Variants in RBPMS observed in about 807,000 individuals in gnomAD.
The protein encoded by RBPMS is RNA binding protein, mRNA processing factor.
A neutral mutation model predicts 26.8 loss-of-function variants in RBPMS; 7 were observed. The ratio of observed to expected loss-of-function variants is 0.26; its 90% CI spans 0.15 to 0.49. The LOEUF is 0.49. Ranked by LOEUF, RBPMS falls within the 20% of genes least tolerant of loss-of-function variation. The probability of loss-of-function intolerance (pLI) is 0.98; values close to 1 mark genes in which losing one functional copy is unlikely to be tolerated. For synonymous variants in RBPMS, 96 were observed against 93.3 expected (o/e 1.03, Z -0.17); for missense variants, 186 against 250.0 (o/e 0.74, Z 1.73).
chr8:30,451,261 A>G (rs1814551945), intron 1 of RBPMS, among the ~76,000 whole-genome samples: 1 of 152,150 alleles, frequency 6.6e-6, no homozygotes, highest in Non-Finnish European at 1.5e-5. Context: ...TATCTCTCCA[A>G]GCTAAAATCG....
intron 1 of RBPMS, among the ~76,000 whole-genome samples, chr8:30,434,677 C>G (rs968081584): frequency 2.7e-5 from 4 of 149,274 alleles, no homozygotes; most frequent in African/African-American, 9.9e-5. Flanking sequence ...GCACTCCAGC[C>G]TGGGAGACAG....
chr8:30,503,669 TGTTCTTA>T (rs991545622), intron 4 of RBPMS, among the ~76,000 whole-genome samples: 1 of 152,076 alleles, frequency 6.6e-6, no homozygotes, highest in Non-Finnish European at 1.5e-5. Flanking sequence ...ATGGCAACTG[TGTTCTTA>T]GGAGACTCGT....
At position 30,457,163 on chromosome 8, in the gene RBPMS, G is replaced by C. The variant is rs1815317467; in HGVS notation, c.67-17616G>C. Among the ~76,000 whole-genome samples, 5 of 152,150 alleles carry C rather than the reference G, an allele frequency of 3.3e-5. No homozygotes were observed. In the South Asian group the frequency reaches 8.3e-4, roughly 25 times the overall value. ...TGAAACATCCTTCATATGCCCCCAG[G>C]TTCTGACAGTTTTGAGAGAATCCTT... is the stretch of plus-strand genomic sequence containing the variant. On this transcript the variant is annotated intron_variant, in intron 1 of 8. Coordinates refer to ENST00000397323, the MANE Select transcript of RBPMS (RefSeq NM_001008710.3).
chr8:30,512,827 A>G (rs969870352), intron 5 of RBPMS, among the ~76,000 whole-genome samples: 1 of 152,220 alleles, frequency 6.6e-6, no homozygotes, highest in African/African-American at 2.4e-5. Flanking sequence ...CTTAAGCTCT[A>G]GGAAACTGAT....
chr8:30,413,763 GCCAC>G (rs1809727619), intron 1 of RBPMS, among the ~76,000 whole-genome samples: 1 of 152,124 alleles, frequency 6.6e-6, no homozygotes, highest in Non-Finnish European at 1.5e-5. Context: ...ACAGGCATGT[GCCAC>G]CACGCCTGGC....
chr8:30,439,641 CTT>C (rs143963703), intron 1 of RBPMS, among the ~76,000 whole-genome samples: 2 of 149,124 alleles, frequency 1.3e-5, no homozygotes, highest in African/African-American at 2.5e-5. Flanking sequence ...CGTTTTTTGA[CTT>C]TTTTTTTTCC....
chr8:30,549,493 C>G, intron 6 of RBPMS: 1 of 1,610,086 alleles, frequency 6.2e-7, no homozygotes. Context: ...TTCCTCTCAA[C>G]CTGCAGCTCT....
intron 7 of RBPMS, among the ~76,000 whole-genome samples, chr8:30,562,531 A>C (rs1827587897): frequency 6.6e-6 from 1 of 152,046 alleles, no homozygotes; most frequent in Non-Finnish European, 1.5e-5. Context: ...CTCAGTGCGG[A>C]TCTATTATTT....
At chr8:30,551,675 G>C (rs776662755) in intron 6 of RBPMS, among the ~76,000 whole-genome samples, 15 of 152,154 alleles carry the variant, frequency 9.9e-5, no homozygotes, top group African/African-American at 3.4e-4. Flanking sequence ...GTCTGCGCTC[G>C]GCTCTTCCCT....
At chr8:30,421,435 T>A (rs1440482707) in intron 1 of RBPMS, among the ~76,000 whole-genome samples, 1 of 152,228 alleles carries the variant, frequency 6.6e-6, no homozygotes, top group African/African-American at 2.4e-5. Context: ...TGGTGATGTT[T>A]CCATAAATCC....
chr8:30,559,259 C>T (rs930773943), intron 7 of RBPMS, among the ~76,000 whole-genome samples: 12 of 152,196 alleles, frequency 7.9e-5, no homozygotes, highest in African/African-American at 2.7e-4. Flanking sequence ...CATTTTATTA[C>T]CTAATTGTAG....
At chr8:30,504,630 G>GT (rs748922442) in intron 5 of RBPMS, among the ~76,000 whole-genome samples, 194 bp downstream of exon 5, 1 of 152,138 alleles carries the variant, frequency 6.6e-6, no homozygotes, top group Non-Finnish European at 1.5e-5. Flanking sequence ...CCAAAAGATG[G>GT]TTCAGCTTGA....
At chr8:30,557,661 C>T (rs1317020008) in intron 6 of RBPMS, among the ~76,000 whole-genome samples, 1 of 152,210 alleles carries the variant, frequency 6.6e-6, no homozygotes, top group East Asian at 1.9e-4. Flanking sequence ...TGCGGGAGGG[C>T]ATCGCCTCAC....
At chr8:30,436,110 A>C (rs1333683285) in intron 1 of RBPMS, among the ~76,000 whole-genome samples, 1 of 152,238 alleles carries the variant, frequency 6.6e-6, no homozygotes, top group Non-Finnish European at 1.5e-5. Flanking sequence ...TCCAATAATT[A>C]GCTCCTTTTC....
chr8:30,434,533 G>A (rs1227361492), intron 1 of RBPMS, among the ~76,000 whole-genome samples: 2 of 151,760 alleles, frequency 1.3e-5, no homozygotes, highest in Admixed American at 6.6e-5. Context: ...GAGAAAACTC[G>A]TCTCCACTCA....
At chr8:30,465,607 C>T (rs1370233376) in intron 1 of RBPMS, among the ~76,000 whole-genome samples, 2 of 152,002 alleles carry the variant, frequency 1.3e-5, no homozygotes, top group African/African-American at 2.4e-5. Context: ...GCCAACATGG[C>T]GAAACCCTGT....
intron 5 of RBPMS, among the ~76,000 whole-genome samples, chr8:30,539,770 C>T (rs757084277): frequency 6.6e-5 from 10 of 151,942 alleles, no homozygotes; most frequent in African/African-American, 2.2e-4. Flanking sequence ...GGATTATAGG[C>T]GTGCACCACC....
chr8:30,538,443 C>T (rs188593099), intron 5 of RBPMS, among the ~76,000 whole-genome samples: 77 of 152,220 alleles, frequency 5.1e-4, no homozygotes, highest in African/African-American at 1.7e-3. Flanking sequence ...TTAGTAGAGA[C>T]GGGGTTCTCA....
At chr8:30,523,766 G>C (rs1823296918) in intron 5 of RBPMS, among the ~76,000 whole-genome samples, 1 of 151,940 alleles carries the variant, frequency 6.6e-6, no homozygotes, top group Non-Finnish European at 1.5e-5. Context: ...AATTTCTGCT[G>C]AGTGGGTTAG....
Sources: allele counts gnomAD v4.1 joint callset (sites outside exome capture counted in the v4.1 genomes callset), GRCh38; gene constraint gnomAD v4.1.1; transcripts MANE v1.5; gene names NCBI Gene and HGNC (gene_info 2026-07-23, HGNC 2026-07-21).